The following HS6ST1 variants were observed in gnomAD, a reference collection of about 807,000 sequenced individuals.
The protein encoded by HS6ST1 is heparan sulfate 6-O-sulfotransferase 1.
In HS6ST1, 3 loss-of-function variants were observed where a neutral mutation model predicts 25.2. The ratio of observed to expected loss-of-function variants is 0.12; its 90% confidence interval spans 0.05 to 0.31. The LOEUF is 0.31. HS6ST1 is among the 10% of genes least tolerant of loss of function. The pLI, the probability that HS6ST1 is intolerant of heterozygous loss-of-function variation, is 1.00. For synonymous variants in HS6ST1, 204 were observed against 275.1 expected (o/e 0.74, Z 2.56); for missense variants, 310 against 609.6 (o/e 0.51, Z 5.18).
rs116208887 is a variant in HS6ST1 at position 128,304,239 on chromosome 2, C to T, written c.527+13798G>A. On this transcript the variant is annotated intron_variant, in intron 1 of 1. Transcript: ENST00000259241. Reference sequence around the variant, plus strand: ...CTCTATATATCCTATAAGTTCTGTCCCTCTGGAGAACCCTAATATAGCTCC... The same window carrying T: ...CTCTATATATCCTATAAGTTCTGTCTCTCTGGAGAACCCTAATATAGCTCC... Among the ~76,000 whole-genome samples, 536 of 152,286 alleles carry T rather than the reference C, an allele frequency of 3.5e-3. 3 individuals carry two copies. Among genetic ancestry groups the T allele is most frequent in the African/African-American group, 0.012 (507 of 41,564 alleles).
At chr2:128,286,353 C>T (rs1472654428) in intron 1 of HS6ST1, among the ~76,000 whole-genome samples, 1 of 152,222 alleles carries the variant, frequency 6.6e-6, no homozygotes, top group African/African-American at 2.4e-5. Flanking sequence ...ACACTAAAGA[C>T]CCAGGCAAGC....
intron 1 of HS6ST1, among the ~76,000 whole-genome samples, chr2:128,278,326 C>A (rs1693727096): frequency 6.6e-6 from 1 of 152,246 alleles, no homozygotes; most frequent in African/African-American, 2.4e-5. Context: ...GCTGACTCTG[C>A]CTTCCGGAAG....
intron 1 of HS6ST1, among the ~76,000 whole-genome samples, chr2:128,276,645 G>A (rs1415498240): frequency 1.3e-5 from 2 of 152,142 alleles, no homozygotes; most frequent in African/African-American, 2.4e-5. Flanking sequence ...CAAACACTTC[G>A]TGTGAATAAA....
chr2:128,317,961 C>G, intron 1 of HS6ST1, 76 bp downstream of exon 1: 1 of 1,377,268 alleles, frequency 7.3e-7, no homozygotes. Context: ...CAGGGCCGAC[C>G]CAGTACAGCA....
intron 1 of HS6ST1, among the ~76,000 whole-genome samples, chr2:128,276,514 C>T (rs183454435): frequency 2.0e-5 from 3 of 152,276 alleles, no homozygotes; most frequent in African/African-American, 7.2e-5. Context: ...GCTGGGATGG[C>T]GCTGGGTGCT....
chr2:128,292,730 G>T (rs1352210067), intron 1 of HS6ST1, among the ~76,000 whole-genome samples: 1 of 152,078 alleles, frequency 6.6e-6, no homozygotes, highest in East Asian at 1.9e-4. Context: ...CAAATGGCAC[G>T]GGGGGAATGG....
intron 1 of HS6ST1, among the ~76,000 whole-genome samples, chr2:128,294,775 C>T (rs1694015290): frequency 6.6e-6 from 1 of 151,762 alleles, no homozygotes; most frequent in Non-Finnish European, 1.5e-5. Context: ...CTGGGATTTC[C>T]TGACTGTGGC....
intron 1 of HS6ST1, among the ~76,000 whole-genome samples, chr2:128,306,188 C>T (rs1694204893): frequency 6.6e-6 from 1 of 152,234 alleles, no homozygotes; most frequent in African/African-American, 2.4e-5. Context: ...GACAGGAATG[C>T]CCTCCTTTGT....
intron 1 of HS6ST1, among the ~76,000 whole-genome samples, chr2:128,285,923 C>T (rs919240450): frequency 6.6e-6 from 1 of 151,956 alleles, no homozygotes; most frequent in Non-Finnish European, 1.5e-5. Flanking sequence ...ATGAGACAGC[C>T]AGAGGGGACA....
intron 1 of HS6ST1, among the ~76,000 whole-genome samples, chr2:128,288,302 G>C (rs887266283): frequency 4.6e-5 from 7 of 152,156 alleles, no homozygotes. Flanking sequence ...GCTGGCGGCA[G>C]CGTCAGGTCC....
chr2:128,288,890 C>G (rs1225769164), intron 1 of HS6ST1, among the ~76,000 whole-genome samples: 1 of 152,036 alleles, frequency 6.6e-6, no homozygotes, highest in Non-Finnish European at 1.5e-5. Flanking sequence ...CCCCTCCAGG[C>G]TCCACCTCCT....
intron 1 of HS6ST1, among the ~76,000 whole-genome samples, chr2:128,305,515 C>T (rs1694195697): frequency 6.6e-6 from 1 of 152,210 alleles, no homozygotes. Flanking sequence ...ACCGGGAGCC[C>T]TGGGGTCTGC....
In HS6ST1 at chr2:128,268,049, T is replaced by C. The variant is rs1693549455; in HGVS notation, c.*113A>G. 5.4e-6 allele frequency: 4 copies of C among 746,336 alleles called. No homozygotes were observed. The highest frequency in any genetic ancestry group is 9.0e-6 in the Non-Finnish European group (4 of 444,554). The allele number at this position is 746,336 out of a possible 1,614,324, so 46.2% of individuals were successfully genotyped here. ...TGTTTTTTTTCAGGACGCAGCTACCTCTGTGGAGCAGGTTTGGGATGCTCA... is the reference window on the plus strand; with the variant it reads ...TGTTTTTTTTCAGGACGCAGCTACCCCTGTGGAGCAGGTTTGGGATGCTCA... On this transcript the variant is annotated 3_prime_UTR_variant, in exon 2 of 2. Transcript: ENST00000259241.
At chr2:128,291,142 T>C (rs2104924416) in intron 1 of HS6ST1, among the ~76,000 whole-genome samples, 1 of 152,364 alleles carries the variant, frequency 6.6e-6, no homozygotes, top group South Asian at 2.1e-4. Context: ...GGATCTCAGC[T>C]GACACAATAA....
chr2:128,286,693 GGCTTTATTAGCGTAGGTTT>G (rs748711663), intron 1 of HS6ST1, among the ~76,000 whole-genome samples: 98 of 152,352 alleles, frequency 6.4e-4, no homozygotes, highest in Non-Finnish European at 9.0e-4. Context: ...AAAAACAAGA[GGCTTTATTAGCGTAGGTTT>G]AGGAAATACC....
chr2:128,317,975 C>T (rs928525884), intron 1 of HS6ST1, 62 bp downstream of exon 1: 108 of 1,390,006 alleles, frequency 7.8e-5, no homozygotes, highest in Admixed American at 7.4e-4. Flanking sequence ...TACAGCACGG[C>T]GGGCATACGG....
At chr2:128,314,133 C>T (rs1290945780) in intron 1 of HS6ST1, among the ~76,000 whole-genome samples, 1 of 152,070 alleles carries the variant, frequency 6.6e-6, no homozygotes, top group Non-Finnish European at 1.5e-5. Context: ...CCCATCACAG[C>T]AGATGAGGGT....
intron 1 of HS6ST1, among the ~76,000 whole-genome samples, chr2:128,297,612 G>A (rs1319743155): frequency 3.3e-5 from 5 of 152,218 alleles, no homozygotes; most frequent in Non-Finnish European, 5.9e-5. Context: ...TGATCCACCT[G>A]ATCATGAGGT....
At chr2:128,274,011 G>A (rs933507819) in intron 1 of HS6ST1, among the ~76,000 whole-genome samples, 4 of 152,020 alleles carry the variant, frequency 2.6e-5, no homozygotes, top group South Asian at 2.1e-4. Flanking sequence ...TCCCTGCCTC[G>A]CACCCCCTGC....
Sources: gnomAD v4.1 joint callset for allele counts (sites outside exome capture counted in the v4.1 genomes callset) on GRCh38, gnomAD v4.1.1 for gene constraint, MANE v1.5 for transcripts, NCBI Gene and HGNC (gene_info 2026-07-23, HGNC 2026-07-21) for gene names.